RCC2: variants seen among roughly 807,000 people sequenced by gnomAD.
RCC2 encodes protein RCC2.
Under a neutral mutation model 64.1 loss-of-function variants are expected in RCC2, and 19 were observed. The observed-to-expected ratio is 0.30, with a 90% CI of 0.21 to 0.44. RCC2 has a LOEUF of 0.44. RCC2 is among the 20% of genes least tolerant of loss of function. The pLI is 1.00. For synonymous variants in RCC2, 325 were observed against 279.6 expected, an observed-to-expected ratio of 1.16 and a Z score of -1.62; for missense variants, 508 against 710.4, an observed-to-expected ratio of 0.72 and a Z score of 3.24.
At position 17,413,698 on chromosome 1, in the gene RCC2, T is replaced by A; in HGVS notation, c.1046A>T (p.Lys349Met). ...ACCAAAGCCCCAGGAGAAGACTCGC[T>A]TCTGGGAGTCCAGGACCAGCTGCAA... is the stretch of plus-strand genomic sequence containing the variant. ...ANHTLVLDSQKRVFSWGFGGY... is the reference protein window; with the variant it reads ...ANHTLVLDSQMRVFSWGFGGY... Residue 349 changes from lysine (K) to methionine (M), a missense_variant, in exon 9 of 13, where the codon AAG (lysine) becomes ATG (methionine). Coordinates refer to ENST00000375436, the MANE Select transcript of RCC2 (RefSeq NM_018715.4). 1 of 1,612,996 alleles carries A rather than the reference T, an allele frequency of 6.2e-7. No individual in the cohort carries two copies. Among genetic ancestry groups the A allele is most frequent in the Non-Finnish European group, 8.5e-7 (1 of 1,179,548 alleles).
intron 4 of RCC2, among the ~76,000 whole-genome samples, chr1:17,423,902 C>T (rs190540064): frequency 6.6e-6 from 1 of 152,312 alleles, no homozygotes; most frequent in Non-Finnish European, 1.5e-5. Flanking sequence ...CAGGAGCAGC[C>T]TCTGACTACA....
chr1:17,438,009 C>T (rs1237346454), intron 2 of RCC2, among the ~76,000 whole-genome samples: 4 of 146,128 alleles, frequency 2.7e-5, no homozygotes, highest in South Asian at 4.2e-4. Flanking sequence ...ACCGCCCGCG[C>T]GGTGCCCGGG....
chr1:17,439,057 C>CGAACGGGG (rs1246088844), intron 1 of RCC2, among the ~76,000 whole-genome samples: 1 of 152,172 alleles, frequency 6.6e-6, no homozygotes, highest in East Asian at 2.0e-4. Context: ...CCTGGACCCC[C>CGAACGGGG]GTTCGGCCCC....
At chr1:17,424,778 G>C (rs984155595) in intron 4 of RCC2, among the ~76,000 whole-genome samples, 5 of 152,166 alleles carry the variant, frequency 3.3e-5, no homozygotes, top group Non-Finnish European at 2.9e-5. Flanking sequence ...GCAGAGGCCG[G>C]GAGTCACCAA....
chr1:17,415,354 A>G (rs1311115457), intron 8 of RCC2, among the ~76,000 whole-genome samples: 1 of 152,346 alleles, frequency 6.6e-6, no homozygotes, highest in East Asian at 1.9e-4. Flanking sequence ...TCAACAAAGC[A>G]TAGAACAAAG....
chr1:17,420,283 C>A (rs1409320385), intron 7 of RCC2, among the ~76,000 whole-genome samples: 1 of 152,204 alleles, frequency 6.6e-6, no homozygotes, highest in African/African-American at 2.4e-5. Flanking sequence ...GGGAGGGGGT[C>A]CACCAGGGCT....
chr1:17,411,650 C>A (rs1272011131), intron 11 of RCC2, among the ~76,000 whole-genome samples: 2 of 151,652 alleles, frequency 1.3e-5, no homozygotes, highest in African/African-American at 4.8e-5. Flanking sequence ...TTGCGGAAGG[C>A]CACGTGTGTG....
intron 2 of RCC2, among the ~76,000 whole-genome samples, chr1:17,434,791 A>C (rs1043165044): frequency 1.3e-5 from 2 of 151,372 alleles, no homozygotes. Context: ...GCAGGGGGAG[A>C]CCTCCCTTTA....
chr1:17,420,676 G>T, intron 7 of RCC2, 38 bp downstream of exon 7: 1 of 1,328,842 alleles, frequency 7.5e-7, no homozygotes, highest in Non-Finnish European at 1.1e-6. Flanking sequence ...AATATATACA[G>T]TTAGATTACA....
intron 6 of RCC2, among the ~76,000 whole-genome samples, chr1:17,421,484 A>C (rs1291606220): frequency 1.6e-4 from 24 of 147,404 alleles, no homozygotes; most frequent in Non-Finnish European, 7.4e-5. Context: ...ACAGAGCGAG[A>C]CTCTGTCTCC....
chr1:17,418,397 G>A (rs1430693397), intron 7 of RCC2, among the ~76,000 whole-genome samples: 2 of 152,026 alleles, frequency 1.3e-5, no homozygotes, highest in African/African-American at 4.8e-5. Context: ...GGTGGCTCGC[G>A]CCTGTAATCC....
In RCC2 at chr1:17,425,558, C is replaced by T; in HGVS notation, c.506G>A (p.Gly169Glu). ...GTACTCACCCCAGCTCCACAGCTTC[C>T]CTTCCGTGGTGATGAGGAGGCTGTG... ...AAHSLLITTE[G>E]KLWSWGRNEK... The change falls in exon 4 of 13, where the codon GGG (glycine) becomes GAG (glutamate). Residue 169 changes from glycine to glutamate, a missense_variant. Coordinates refer to ENST00000375436, the MANE Select transcript of RCC2 (RefSeq NM_018715.4). The T allele has an allele frequency of 6.2e-7, 1 of 1,612,612 alleles. No individual in the cohort carries two copies.
At chr1:17,418,621 C>T (rs2075517195) in intron 7 of RCC2, among the ~76,000 whole-genome samples, 2 of 152,050 alleles carry the variant, frequency 1.3e-5, no homozygotes, top group African/African-American at 4.8e-5. Flanking sequence ...CGCGCCACTG[C>T]ACTCCAGCCT....
rs936242453 is a variant in RCC2, at chr1:17,416,715, G to C, written c.860-69C>G. On this transcript the variant is annotated intron_variant, in intron 7 of 12. Transcript: ENST00000375436. ...AAGGGACGTGTCAGTGTGCTCACACGGACTCTGTAGTGAGCCCCGGCAGCA... is the reference window on the plus strand; with the variant it reads ...AAGGGACGTGTCAGTGTGCTCACACCGACTCTGTAGTGAGCCCCGGCAGCA... 7 of 1,489,252 alleles carry C rather than the reference G, an allele frequency of 4.7e-6. No individual in the cohort carries two copies. In the African/African-American group the frequency reaches 8.3e-5, roughly 18 times the overall value. 92.3% of individuals were successfully genotyped at this position (1,489,252 alleles called of 1,614,324 possible).
In RCC2 at chr1:17,409,088, C is replaced by A; in HGVS notation, c.*2G>T. ...GTGGAGTCGGAGGAGTCTCCGGGAGCATCAGAGGGTTCGGGGGTTGTATTC... is the reference window on the plus strand; with the variant it reads ...GTGGAGTCGGAGGAGTCTCCGGGAGAATCAGAGGGTTCGGGGGTTGTATTC... On this transcript the variant is annotated 3_prime_UTR_variant, in exon 13 of 13. Transcript: ENST00000375436. 1.9e-6 allele frequency: 3 copies of A among 1,603,776 alleles called. No homozygotes were observed. In the South Asian group the frequency reaches 3.3e-5, roughly 18 times the overall value.
At chr1:17,431,184 A>C (rs2075671406) in intron 2 of RCC2, among the ~76,000 whole-genome samples, 1 of 149,856 alleles carries the variant, frequency 6.7e-6, no homozygotes, top group East Asian at 2.0e-4. Flanking sequence ...TACAAAAAAA[A>C]TTAGCCGGGC....
At chr1:17,418,959 A>G (rs957767169) in intron 7 of RCC2, among the ~76,000 whole-genome samples, 4 of 152,190 alleles carry the variant, frequency 2.6e-5, no homozygotes, top group Non-Finnish European at 5.9e-5. Flanking sequence ...AGAGCTGCAC[A>G]CATCTGCTTT....
intron 3 of RCC2, among the ~76,000 whole-genome samples, chr1:17,427,275 A>G (rs2075626878): frequency 6.6e-6 from 1 of 152,016 alleles, no homozygotes; most frequent in African/African-American, 2.4e-5. Flanking sequence ...AGGGCACCAC[A>G]TGCTCCCTCA....
chr1:17,435,790 C>T (rs2075729424), intron 2 of RCC2, among the ~76,000 whole-genome samples: 1 of 151,926 alleles, frequency 6.6e-6, no homozygotes, highest in Admixed American at 6.6e-5. Flanking sequence ...TGGTGGTGGG[C>T]GTCTATAATC....
Sources: allele counts gnomAD v4.1 joint callset (sites outside exome capture counted in the v4.1 genomes callset), GRCh38; gene constraint gnomAD v4.1.1; transcripts MANE v1.5; gene names NCBI Gene and HGNC (gene_info 2026-07-23, HGNC 2026-07-21).